HNRNPUL1: variants seen among roughly 807,000 people sequenced by gnomAD.
HNRNPUL1 encodes heterogeneous nuclear ribonucleoprotein U-like protein 1.
A neutral mutation model predicts 108.5 loss-of-function variants in HNRNPUL1; 14 were observed. The observed-to-expected ratio is 0.13, with a 90% confidence interval of 0.09 to 0.20. HNRNPUL1 has a LOEUF of 0.20. HNRNPUL1 is among the 10% of genes least tolerant of loss of function. The pLI is 1.00. For synonymous variants in HNRNPUL1, 422 were observed against 445.2 expected (o/e 0.95, Z 0.66); for missense variants, 804 against 1,168.3 (o/e 0.69, Z 4.55).
At position 41,284,857 on chromosome 19, in the gene HNRNPUL1, G is replaced by T. The variant is rs190582009; in HGVS notation, c.999+3582G>T. 2.4e-3 allele frequency among the ~76,000 whole-genome samples: 370 copies of T among 152,002 alleles called. 1 individual carries two copies. The highest frequency in any genetic ancestry group is 9.7e-3 in the East Asian group (50 of 5,146). ...CTAAAAATACAAAAATTAGCCGGGCGTGGTGGCCAGCGCCTGTAGTCCCAG... is the reference window on the plus strand; with the variant it reads ...CTAAAAATACAAAAATTAGCCGGGCTTGGTGGCCAGCGCCTGTAGTCCCAG... On this transcript the variant is annotated intron_variant, in intron 7 of 14. Coordinates refer to ENST00000392006, the MANE Select transcript of HNRNPUL1 (RefSeq NM_007040.6).
At chr19:41,277,630 C>G (rs1053948362) in intron 5 of HNRNPUL1, among the ~76,000 whole-genome samples, 3 of 152,202 alleles carry the variant, frequency 2.0e-5, no homozygotes, top group African/African-American at 4.8e-5. Flanking sequence ...CCTCAGCCTC[C>G]CCAGTAGCTG....
intron 13 of HNRNPUL1, among the ~76,000 whole-genome samples, chr19:41,304,541 C>T (rs1599860797): frequency 6.6e-6 from 1 of 152,350 alleles, no homozygotes; most frequent in African/African-American, 2.4e-5. Context: ...GCACTGATCC[C>T]TCCAGCAAGT....
chr19:41,288,423 T>C (rs2036380137), intron 7 of HNRNPUL1, among the ~76,000 whole-genome samples: 1 of 152,022 alleles, frequency 6.6e-6, no homozygotes, highest in South Asian at 2.1e-4. Context: ...TTTGTAGTTT[T>C]AGTAGAGACA....
At chr19:41,277,498 TTTTG>T (rs951493620) in intron 5 of HNRNPUL1, among the ~76,000 whole-genome samples, 10 of 152,218 alleles carry the variant, frequency 6.6e-5, no homozygotes, top group Admixed American at 2.0e-4. Context: ...TGTTTTCTTT[TTTTG>T]TTTGTTTGTT....
At chr19:41,285,741 C>T (rs2036182482) in intron 7 of HNRNPUL1, among the ~76,000 whole-genome samples, 1 of 152,074 alleles carries the variant, frequency 6.6e-6, no homozygotes, top group South Asian at 2.1e-4. Context: ...CCAAGAACCC[C>T]ATGAGTTTAG....
chr19:41,306,368 C>T, intron 14 of HNRNPUL1, 81 bp from the exon 15 acceptor site: 1 of 879,594 alleles, frequency 1.1e-6, no homozygotes, highest in Non-Finnish European at 1.7e-6. Flanking sequence ...TGTCTCTGCC[C>T]TAGGTGAGGG....
chr19:41,282,933 A>G (rs981461680), intron 7 of HNRNPUL1, among the ~76,000 whole-genome samples: 2 of 151,452 alleles, frequency 1.3e-5, no homozygotes, highest in African/African-American at 4.9e-5. Context: ...TGACCTCGTG[A>G]TCCGCCCGCC....
At position 41,305,819 on chromosome 19, in the gene HNRNPUL1, C is replaced by G. The variant is rs1439097103; in HGVS notation, c.2406C>G (p.Pro802=). The G allele has an allele frequency of 2.5e-6, 4 of 1,610,604 alleles. No homozygotes were observed. The highest frequency in any genetic ancestry group is 3.4e-6 in the Non-Finnish European group (4 of 1,177,680). Residue 802 remains proline (P), a synonymous_variant, in exon 14 of 15, where the codon CCC becomes CCG. Coordinates refer to ENST00000392006, the MANE Select transcript of HNRNPUL1 (RefSeq NM_007040.6). ...YNPAPYTPPP[P]PTAQTYPQPS... ...CGGCCCCCTATACCCCACCGCCACC[C>G]CCCACTGCACAGACCTACCCTCAGC...
intron 2 of HNRNPUL1, among the ~76,000 whole-genome samples, chr19:41,268,787 G>A (rs1345133482): frequency 6.6e-6 from 1 of 152,102 alleles, no homozygotes; most frequent in Non-Finnish European, 1.5e-5. Context: ...GAACCCAGGA[G>A]GCGGAGGTTG....
In HNRNPUL1 at chr19:41,292,318, T is replaced by C. The variant is rs1568450167; in HGVS notation, c.1073T>C (p.Ile358Thr). The change falls in exon 8 of 15, where the codon ATC becomes ACC. Residue 358 changes from isoleucine (I) to threonine (T), a missense_variant. This residue lies in a region of HNRNPUL1 where 174 missense variants were observed against 296.6 expected (regional missense o/e 0.59). Transcript: ENST00000392006. The surrounding 1 kb of genome is among the most constrained non-coding windows in gnomAD (Gnocchi z 4.1). ...NGKWMGIAFR[I>T]QKEALGGQAL... Reference sequence around the variant, plus strand: ...AAGTGGATGGGCATTGCTTTCCGAATCCAGAAGGAAGCCTTGGGGGGTCAG... The same window carrying C: ...AAGTGGATGGGCATTGCTTTCCGAACCCAGAAGGAAGCCTTGGGGGGTCAG... 6.2e-7 allele frequency: 1 copy of C among 1,614,226 alleles called. No individual in the cohort carries two copies. The highest frequency in any genetic ancestry group is 1.3e-5 in the African/African-American group (1 of 75,060).
In HNRNPUL1 at chr19:41,292,657, T is replaced by C. The variant is rs1599832387; in HGVS notation, c.1266+146T>C. On this transcript the variant is annotated intron_variant, in intron 8 of 14. Transcript: ENST00000392006. This position sits in a 1 kb window ranked among gnomAD's most constrained non-coding sequence, Gnocchi z 4.1. ...AGCTCCTCAGGGTTGGACTCAGAGCTGAAAAGCTGCTCTGAGTGTGAGGTG... is the reference window on the plus strand; with the variant it reads ...AGCTCCTCAGGGTTGGACTCAGAGCCGAAAAGCTGCTCTGAGTGTGAGGTG... 3 of 972,728 alleles carry C rather than the reference T, an allele frequency of 3.1e-6. No homozygotes were observed. Among genetic ancestry groups the C allele is most frequent in the Non-Finnish European group, 4.7e-6 (3 of 643,340 alleles). The allele number at this position is 972,728 out of a possible 1,614,324, so 60.3% of individuals were successfully genotyped here.
chr19:41,283,643 T>G (rs2036038205), intron 7 of HNRNPUL1, among the ~76,000 whole-genome samples: 2 of 151,902 alleles, frequency 1.3e-5, no homozygotes, highest in African/African-American at 4.8e-5. Flanking sequence ...TTTAGTAGAG[T>G]TGGGGTTTCG....
chr19:41,284,671 T>C (rs1424978973), intron 7 of HNRNPUL1, among the ~76,000 whole-genome samples: 1 of 151,638 alleles, frequency 6.6e-6, no homozygotes, highest in Non-Finnish European at 1.5e-5. Flanking sequence ...TAAATAAAAC[T>C]GCAGCTTTTG....
Position 41,304,185 on chromosome 19 carries a change from A to G in HNRNPUL1, c.2186A>G (p.Tyr729Cys), listed in dbSNP as rs142484573. ...CGGAACCCCCCAGGGGCCAGCACCTACAATAAGAACAGCAACATCCCTGGC... is the reference window on the plus strand; with the variant it reads ...CGGAACCCCCCAGGGGCCAGCACCTGCAATAAGAACAGCAACATCCCTGGC... ...PARNPPGAST[Y>C]NKNSNIPGSS... Residue 729 changes from tyrosine (Y) to cysteine (C), a missense_variant, in exon 13 of 15, where the codon TAC (tyrosine) becomes TGC (cysteine). By Grantham distance (194) the Tyr-to-Cys change is radical (BLOSUM62 -2). Transcript: ENST00000392006. 2.5e-6 allele frequency: 4 copies of G among 1,614,008 alleles called. No individual in the cohort carries two copies. Among genetic ancestry groups the G allele is most frequent in the Non-Finnish European group, 3.4e-6 (4 of 1,180,012 alleles).
Position 41,292,004 on chromosome 19 carries a change from A to T in HNRNPUL1, c.1000-241A>T. On this transcript the variant is annotated intron_variant, in intron 7 of 14. Transcript: ENST00000392006. This position sits in a 1 kb window ranked among gnomAD's most constrained non-coding sequence, Gnocchi z 4.1. ...CAAAAAAAAAAAAAACAAAAAAAAA[A>T]AACTCTTGCTTACTTGCTTCATATC... The T allele has an allele frequency of 1.9e-6, 1 of 529,556 alleles. No individual in the cohort carries two copies. The allele number at this position is 529,556 out of a possible 1,614,324, so 32.8% of individuals were successfully genotyped here.
intron 10 of HNRNPUL1, among the ~76,000 whole-genome samples, chr19:41,295,012 C>G (rs2036805253): frequency 6.6e-6 from 1 of 152,216 alleles, no homozygotes; most frequent in Admixed American, 6.5e-5. Context: ...CTCCCTAGCT[C>G]TGTGCCTTTG....
At position 41,294,483 on chromosome 19, in the gene HNRNPUL1, C is replaced by G; in HGVS notation, c.1389+23C>G. On this transcript the variant is annotated intron_variant, in intron 9 of 14. Transcript: ENST00000392006. This position sits in a 1 kb window ranked among gnomAD's most constrained non-coding sequence, Gnocchi z 4.3. ...CGGGTAAGGCCAGCCACTGGACTCT[C>G]CTTACTCACCTCCAACCTACTGAGT... 6.2e-7 allele frequency: 1 copy of G among 1,614,096 alleles called. No homozygotes were observed. The highest frequency in any genetic ancestry group is 8.5e-7 in the Non-Finnish European group (1 of 1,179,996).
At chr19:41,281,513 A>G (rs1449118227) in intron 7 of HNRNPUL1, among the ~76,000 whole-genome samples, 1 of 152,012 alleles carries the variant, frequency 6.6e-6, no homozygotes, top group Non-Finnish European at 1.5e-5. Flanking sequence ...TGGGGACTTC[A>G]GGTGTGCATA....
intron 5 of HNRNPUL1, among the ~76,000 whole-genome samples, chr19:41,276,978 A>G (rs548371201): frequency 6.6e-6 from 1 of 152,094 alleles, no homozygotes; most frequent in East Asian, 1.9e-4. Context: ...GGTGCCTGCA[A>G]TCCTAGCTAT....
Sources: gnomAD v4.1 joint callset for allele counts (sites outside exome capture counted in the v4.1 genomes callset) on GRCh38, gnomAD v4.1.1 for gene constraint, gnomAD v4.1.1 regional missense constraint, Gnocchi (gnomAD v3.1) non-coding constraint, MANE v1.5 for transcripts, NCBI Gene and HGNC (gene_info 2026-07-23, HGNC 2026-07-21) for gene names.